Variants in BNC2 observed in about 807,000 individuals in gnomAD.
BNC2 encodes the protein basonuclin zinc finger protein 2, also known as zinc finger protein basonuclin-2.
A neutral mutation model predicts 76.3 loss-of-function variants in BNC2; 20 were observed. That is an observed-to-expected ratio of 0.26 (90% CI 0.18 to 0.38). BNC2 has a LOEUF of 0.38. Ranked by LOEUF, BNC2 falls within the 10% of genes least tolerant of loss-of-function variation. BNC2 has a pLI of 1.00. For synonymous variants in BNC2, 582 were observed against 514.8 expected, an observed-to-expected ratio of 1.13 and a Z score of -1.77; for missense variants, 1,382 against 1,399.8, an observed-to-expected ratio of 0.99 and a Z score of 0.20.
chr9:16,760,475 T>A (rs982364031), intron 1 of BNC2, among the ~76,000 whole-genome samples: 1 of 151,530 alleles, frequency 6.6e-6, no homozygotes, highest in African/African-American at 2.4e-5. Context: ...TGGGAGGAGG[T>A]TGGATAAAAT....
chr9:16,774,988 A>G (rs1455435981), intron 1 of BNC2, among the ~76,000 whole-genome samples: 2 of 152,240 alleles, frequency 1.3e-5, no homozygotes, highest in South Asian at 4.1e-4. Context: ...AAGAGAAAAA[A>G]TACATGTAAT....
chr9:16,465,096 T>A (rs1343259225), intron 5 of BNC2, among the ~76,000 whole-genome samples: 1 of 152,172 alleles, frequency 6.6e-6, no homozygotes, highest in African/African-American at 2.4e-5. Context: ...TTACAAAATA[T>A]TAGCACACAG....
rs561616150 is a variant in BNC2, at chr9:16,858,793, C to T, written c.3+11853G>A. 1.4e-4 allele frequency among the ~76,000 whole-genome samples: 21 copies of T among 151,756 alleles called. No homozygotes were observed. The East Asian group carries it at 3.9e-3, about 28-fold the overall frequency. On this transcript the variant is annotated intron_variant, in intron 1 of 6. Coordinates refer to ENST00000380672, the MANE Select transcript of BNC2 (RefSeq NM_017637.6). ...CCCGGGAGGCGGAGTTTGCAGTGAG[C>T]CAAGATTGCACCACTGCACTCCAGC...
intron 5 of BNC2, among the ~76,000 whole-genome samples, chr9:16,487,739 T>G (rs1287917429): frequency 6.6e-6 from 1 of 152,204 alleles, no homozygotes; most frequent in Admixed American, 6.5e-5. Context: ...AAAAGCCGAT[T>G]TCTTGGAATG....
intron 6 of BNC2, among the ~76,000 whole-genome samples, chr9:16,422,518 G>A (rs556624400): frequency 6.6e-6 from 1 of 152,154 alleles, no homozygotes; most frequent in Non-Finnish European, 1.5e-5. Context: ...CAGTTCAAGA[G>A]AATTGATTCT....
chr9:16,542,053 C>A (rs954933101), intron 5 of BNC2, among the ~76,000 whole-genome samples: 5 of 152,016 alleles, frequency 3.3e-5, no homozygotes, highest in African/African-American at 1.2e-4. Context: ...ATAGAAAATA[C>A]AGTAACCACA....
intron 3 of BNC2, among the ~76,000 whole-genome samples, chr9:16,711,565 A>G (rs905336017): frequency 6.6e-6 from 1 of 152,244 alleles, no homozygotes; most frequent in African/African-American, 2.4e-5. Flanking sequence ...CCTACAGCAC[A>G]AAACTATAGT....
chr9:16,809,664 G>C (rs138425212), intron 1 of BNC2, among the ~76,000 whole-genome samples: 1,618 of 152,144 alleles, frequency 0.011, 33 homozygotes, highest in African/African-American at 0.036. Context: ...TGTAGTCCCA[G>C]CTACTCGGGA....
intron 2 of BNC2, among the ~76,000 whole-genome samples, chr9:16,733,909 G>C (rs2183408): frequency 0.9 from 137,265 of 151,992 alleles, 62,032 homozygotes; most frequent in Non-Finnish European, 0.92. Flanking sequence ...ATTCACCTAT[G>C]ATTTACACCT....
chr9:16,641,924 T>A (rs911487091), intron 3 of BNC2, among the ~76,000 whole-genome samples: 4 of 152,220 alleles, frequency 2.6e-5, no homozygotes, highest in Non-Finnish European at 5.9e-5. Flanking sequence ...TGGCCATTTT[T>A]CTGTTTGCTG....
intron 3 of BNC2, among the ~76,000 whole-genome samples, chr9:16,619,286 AC>A (rs1158435011): frequency 6.6e-6 from 1 of 152,048 alleles, no homozygotes; most frequent in Non-Finnish European, 1.5e-5. Flanking sequence ...GAAAATTCAA[AC>A]CCAACATAAT....
intron 3 of BNC2, among the ~76,000 whole-genome samples, chr9:16,595,784 T>G (rs187031288): frequency 6.6e-6 from 1 of 152,130 alleles, no homozygotes; most frequent in East Asian, 1.9e-4. Flanking sequence ...ACTGACTAGC[T>G]AAAAACAAAT....
intron 1 of BNC2, among the ~76,000 whole-genome samples, chr9:16,828,191 A>C (rs1818496473): frequency 6.6e-6 from 1 of 152,252 alleles, no homozygotes; most frequent in Non-Finnish European, 1.5e-5. Context: ...TAGCTTAATC[A>C]AATCTTTTAA....
chr9:16,588,308 T>TA (rs1366389718), intron 3 of BNC2, among the ~76,000 whole-genome samples: 1 of 152,246 alleles, frequency 6.6e-6, no homozygotes, highest in Non-Finnish European at 1.5e-5. Flanking sequence ...TGTATTGTTT[T>TA]ACTCCAACAC....
chr9:16,759,641 T>A (rs199721135), intron 1 of BNC2, among the ~76,000 whole-genome samples: 2 of 152,180 alleles, frequency 1.3e-5, no homozygotes, highest in East Asian at 3.8e-4. Context: ...CTATTTTAAA[T>A]CTGTGAAGGC....
At chr9:16,744,092 G>A (rs1014595431) in intron 1 of BNC2, among the ~76,000 whole-genome samples, 1 of 151,956 alleles carries the variant, frequency 6.6e-6, no homozygotes, top group African/African-American at 2.4e-5. Context: ...TCAGCCTCCC[G>A]AGTAGCTAGG....
intron 6 of BNC2, among the ~76,000 whole-genome samples, chr9:16,431,790 C>T (rs1587017309): frequency 6.6e-6 from 1 of 152,172 alleles, no homozygotes; most frequent in Admixed American, 6.5e-5. Flanking sequence ...AGGCACGTTA[C>T]ATTTATCATT....
rs556996259 is a variant in BNC2, at chr9:16,843,626, G to A, written c.3+27020C>T. Among the ~76,000 whole-genome samples the A allele has an allele frequency of 3.5e-3, 530 of 152,348 alleles. 2 individuals carry two copies. The highest frequency in any genetic ancestry group is 0.012 in the African/African-American group (508 of 41,584). On this transcript the variant is annotated intron_variant, in intron 1 of 6. Transcript: ENST00000380672. The stretch of plus-strand genomic sequence containing the variant: ...TGGGATTACAGGCGTGAGCCACCAT[G>A]CCCAGCCTACATATTCTTAAGCTCC...
intron 1 of BNC2, among the ~76,000 whole-genome samples, chr9:16,818,958 C>A (rs919301343): frequency 3.9e-5 from 6 of 152,166 alleles, no homozygotes; most frequent in African/African-American, 1.2e-4. Flanking sequence ...TCTGGCTTCA[C>A]TGGACCTCAG....
Sources: gnomAD v4.1 joint callset for allele counts (sites outside exome capture counted in the v4.1 genomes callset) on GRCh38, gnomAD v4.1.1 for gene constraint, MANE v1.5 for transcripts, NCBI Gene and HGNC (gene_info 2026-07-23, HGNC 2026-07-21) for gene names.